Variants in KIF16B observed in about 807,000 individuals in gnomAD.
The protein encoded by KIF16B is kinesin-like protein KIF16B.
A neutral mutation model predicts 156.3 loss-of-function variants in KIF16B; 98 were observed. That is an observed-to-expected ratio of 0.63 (90% CI 0.53 to 0.74). The LOEUF is 0.74. Among genes scored for constraint, KIF16B ranks in the 30% least tolerant of loss-of-function variants. The pLI is 0.00. For synonymous variants in KIF16B, 564 were observed against 583.7 expected, an observed-to-expected ratio of 0.97 and a Z score of 0.49; for missense variants, 1,421 against 1,606.5, an observed-to-expected ratio of 0.88 and a Z score of 1.97.
chr20:16,549,897 G>T, intron 1 of KIF16B, among the ~76,000 whole-genome samples: 1 of 56,068 alleles, frequency 1.8e-5, no homozygotes, highest in Non-Finnish European at 3.5e-5. Flanking sequence ...AAAAACCCTA[G>T]AAGAAAACCT....
At chr20:16,475,615 G>A (rs1169881802) in intron 12 of KIF16B, among the ~76,000 whole-genome samples, 3 of 152,178 alleles carry the variant, frequency 2.0e-5, no homozygotes, top group Non-Finnish European at 2.9e-5. Context: ...AATGTACAAC[G>A]AAGGATGACA....
chr20:16,402,433 G>A (rs933580535), intron 17 of KIF16B, among the ~76,000 whole-genome samples: 57 of 152,196 alleles, frequency 3.7e-4, no homozygotes, highest in African/African-American at 1.3e-3. Context: ...ATTCAGAGAG[G>A]ATTTGTTGAC....
intron 24 of KIF16B, among the ~76,000 whole-genome samples, chr20:16,328,596 T>C (rs1272136302): frequency 6.6e-6 from 1 of 152,206 alleles, no homozygotes; most frequent in Non-Finnish European, 1.5e-5. Context: ...ACTTCATCTG[T>C]TTCACAGTGA....
intron 1 of KIF16B, among the ~76,000 whole-genome samples, chr20:16,540,801 C>T (rs1015338485): frequency 1.3e-5 from 2 of 152,082 alleles, no homozygotes; most frequent in African/African-American, 4.8e-5. Flanking sequence ...ATAGGAAGCC[C>T]GATTAAACTG....
intron 22 of KIF16B, among the ~76,000 whole-genome samples, chr20:16,357,889 A>T (rs569403302): frequency 2.0e-5 from 3 of 152,176 alleles, no homozygotes; most frequent in Non-Finnish European, 1.5e-5. Context: ...GCTATCCCTG[A>T]TATCAAAAAC....
chr20:16,293,958 G>A (rs2063347990), intron 25 of KIF16B, among the ~76,000 whole-genome samples: 1 of 152,000 alleles, frequency 6.6e-6, no homozygotes, highest in African/African-American at 2.4e-5. Flanking sequence ...CATCCATAGT[G>A]GGACGTTAAC....
chr20:16,379,109 G>T lies in KIF16B; in HGVS notation c.2893C>A (p.Gln965Lys). 1 of 1,613,228 alleles carries T rather than the reference G, an allele frequency of 6.2e-7. No homozygotes were observed. Among genetic ancestry groups the T allele is most frequent in the African/African-American group, 1.3e-5 (1 of 74,966 alleles). Residue 965 changes from glutamine to lysine, a missense_variant, in exon 19 of 26, where the codon CAG (glutamine) becomes AAG (lysine). Gln to Lys is a moderately conservative substitution (Grantham distance 53). Coordinates refer to ENST00000354981, the MANE Select transcript of KIF16B (RefSeq NM_024704.5). Reference sequence around the variant, plus strand: ...AAGGTGGCTTGGAGCTTTTGCAGCTGGTTTGCATTGGCCTGGTACTGTGCA... The same window carrying T: ...AAGGTGGCTTGGAGCTTTTGCAGCTTGTTTGCATTGGCCTGGTACTGTGCA... ...QLAQYQANAN[Q>K]LQKLQATFEF...
intron 25 of KIF16B, among the ~76,000 whole-genome samples, chr20:16,296,969 T>C (rs1350753409): frequency 1.3e-5 from 2 of 152,244 alleles, no homozygotes; most frequent in African/African-American, 4.8e-5. Flanking sequence ...AAGAGGGAAT[T>C]AAATCCTGTC....
At chr20:16,281,999 G>A (rs1347337042) in intron 25 of KIF16B, among the ~76,000 whole-genome samples, 1 of 151,466 alleles carries the variant, frequency 6.6e-6, no homozygotes, top group East Asian at 1.9e-4. Flanking sequence ...GTTGGGCTAG[G>A]TGCTGGGCAT....
chr20:16,421,274 T>G (rs2066218630), intron 15 of KIF16B, among the ~76,000 whole-genome samples: 1 of 152,192 alleles, frequency 6.6e-6, no homozygotes, highest in South Asian at 2.1e-4. Flanking sequence ...TTTAATGCTG[T>G]TCCCCATTTA....
Position 16,504,473 on chromosome 20 carries a change from T to C in KIF16B, c.1075A>G (p.Ile359Val), listed in dbSNP as rs1343367176. Residue 359 changes from isoleucine to valine, a missense_variant, in exon 10 of 26, where the codon ATC (isoleucine) becomes GTC (valine). Ile to Val is a conservative substitution (Grantham distance 29). Transcript: ENST00000354981. ...LRYANRAKNI[I>V]NKPTINEDAN... ...TCCTCATTAATGGTAGGCTTGTTGA[T>C]GATGTTTTTGGCTCTATTTGCATAG... 2 of 1,614,146 alleles carry C rather than the reference T, an allele frequency of 1.2e-6. No individual in the cohort carries two copies. The highest frequency in any genetic ancestry group is 1.3e-5 in the African/African-American group (1 of 75,048).
At chr20:16,463,806 CA>C (rs2067414341) in intron 12 of KIF16B, among the ~76,000 whole-genome samples, 1 of 152,098 alleles carries the variant, frequency 6.6e-6, no homozygotes, top group Non-Finnish European at 1.5e-5. Context: ...TGGCTCTCAA[CA>C]AAATTAAAGG....
At chr20:16,329,808 A>C (rs2063917408) in intron 24 of KIF16B, among the ~76,000 whole-genome samples, 1 of 152,194 alleles carries the variant, frequency 6.6e-6, no homozygotes, top group South Asian at 2.1e-4. Context: ...AGATTAAAGA[A>C]AATGAATAAA....
At position 16,470,911 on chromosome 20, in the gene KIF16B, A is replaced by G. The variant is rs573358549; in HGVS notation, c.1302+23380T>C. Among the ~76,000 whole-genome samples the G allele has an allele frequency of 2.3e-4, 35 of 152,142 alleles. No homozygotes were observed. In the South Asian group the frequency reaches 6.7e-3, roughly 29 times the overall value. On this transcript the variant is annotated intron_variant, in intron 12 of 25. Coordinates refer to ENST00000354981, the MANE Select transcript of KIF16B (RefSeq NM_024704.5). ...TTTCTACCCCAGGGTATGTGAACAT[A>G]GCACCTTCACTCCGTTCTCACCTCG...
intron 1 of KIF16B, among the ~76,000 whole-genome samples, chr20:16,548,252 GAGGGA>G (rs1417069114): frequency 2.0e-4 from 30 of 152,204 alleles, no homozygotes; most frequent in Admixed American, 1.3e-4. Context: ...TACCACGTCA[GAGGGA>G]GCTACAAGGT....
At position 16,277,225 on chromosome 20, in the gene KIF16B, A is replaced by C. The variant is rs192069758; in HGVS notation, c.3796-3814T>G. ...CTGTTGAGTACCAGCACTGTGCAGTACTTCACATCTGAACAAAACCACCGA... is the reference window on the plus strand; with the variant it reads ...CTGTTGAGTACCAGCACTGTGCAGTCCTTCACATCTGAACAAAACCACCGA... On this transcript the variant is annotated intron_variant, in intron 25 of 25. Transcript: ENST00000354981. Among the ~76,000 whole-genome samples, 33 of 152,278 alleles carry C rather than the reference A, an allele frequency of 2.2e-4. No homozygotes were observed. In the East Asian group the frequency reaches 6.2e-3, roughly 29 times the overall value.
At chr20:16,389,550 T>C (rs1219838766) in intron 17 of KIF16B, among the ~76,000 whole-genome samples, 1 of 152,164 alleles carries the variant, frequency 6.6e-6, no homozygotes. Context: ...CAAAAAATGA[T>C]TGACCTTTTC....
intron 24 of KIF16B, among the ~76,000 whole-genome samples, chr20:16,317,976 C>G (rs1488944241): frequency 2.0e-5 from 3 of 152,192 alleles, no homozygotes; most frequent in Non-Finnish European, 4.4e-5. Context: ...GCCAGCAACT[C>G]CACAGCCCCC....
At chr20:16,356,800 C>A (rs1313480109) in intron 22 of KIF16B, among the ~76,000 whole-genome samples, 1 of 152,226 alleles carries the variant, frequency 6.6e-6, no homozygotes, top group Non-Finnish European at 1.5e-5. Flanking sequence ...AGATTGCCTT[C>A]TGAAAAGTCT....
Sources: gnomAD v4.1 joint callset for allele counts (sites outside exome capture counted in the v4.1 genomes callset) on GRCh38, gnomAD v4.1.1 for gene constraint, MANE v1.5 for transcripts, NCBI Gene and HGNC (gene_info 2026-07-23, HGNC 2026-07-21) for gene names.